TNN: variants seen among roughly 807,000 people sequenced by gnomAD.
TNN encodes the protein tenascin N.
In TNN, 122 loss-of-function variants were observed where a neutral mutation model predicts 134.4. That is an observed-to-expected ratio of 0.91 (90% CI 0.78 to 1.06). The LOEUF (loss-of-function observed/expected upper bound fraction) is 1.06. Among genes scored for constraint, TNN ranks in the 50% least tolerant of loss-of-function variants. The pLI, the probability that TNN is intolerant of heterozygous loss-of-function variation, is 0.00. For synonymous variants in TNN, 710 were observed against 670.3 expected, an observed-to-expected ratio of 1.06 and a Z score of -0.91; for missense variants, 1,739 against 1,699.4, an observed-to-expected ratio of 1.02 and a Z score of -0.41.
chr1:175,114,920 C>T (rs1474165138), intron 9 of TNN, among the ~76,000 whole-genome samples: 4 of 151,982 alleles, frequency 2.6e-5, no homozygotes, highest in African/African-American at 9.7e-5. Context: ...TCTGTAAGGC[C>T]AGATGCAGCA....
intron 18 of TNN, 46 bp downstream of exon 18, chr1:175,144,596 T>G: frequency 6.3e-7 from 1 of 1,590,018 alleles, no homozygotes; most frequent in Non-Finnish European, 8.6e-7. Context: ...TATGTCCATA[T>G]TCAGCTTCCA....
chr1:175,135,863 A>T lies in TNN; in HGVS notation c.3349A>T (p.Thr1117Ser). ...TTCTCAGGTCTTCCAGAGGCGGAAC[A>T]CTGGGCAGCTGGATTTCTTCAAGCG... ...GGWIVFQRRN[T>S]GQLDFFKRWR... Residue 1117 changes from threonine (T) to serine (S), a missense_variant, in exon 16 of 19, where the codon ACT becomes TCT. Thr to Ser is a moderately conservative substitution (Grantham distance 58, BLOSUM62 1). Coordinates refer to ENST00000239462, the MANE Select transcript of TNN (RefSeq NM_022093.2). 6.2e-7 allele frequency: 1 copy of T among 1,613,862 alleles called. No individual in the cohort carries two copies.
chr1:175,107,051 C>T (rs1404933978), intron 9 of TNN, among the ~76,000 whole-genome samples: 2 of 146,234 alleles, frequency 1.4e-5, no homozygotes, highest in Admixed American at 6.9e-5. Flanking sequence ...TCTCACCGCT[C>T]GGCTATTGTC....
chr1:175,091,915 G>A (rs1299861921), intron 6 of TNN, among the ~76,000 whole-genome samples: 2 of 152,136 alleles, frequency 1.3e-5, no homozygotes, highest in Middle Eastern at 3.2e-3. Context: ...ATACACACAG[G>A]CAGCACCAAC....
At chr1:175,126,581 G>A (rs1183822924) in intron 12 of TNN, among the ~76,000 whole-genome samples, 2 of 152,120 alleles carry the variant, frequency 1.3e-5, no homozygotes, top group East Asian at 3.9e-4. Flanking sequence ...TTTGTGCATG[G>A]CCCTTTCAGA....
chr1:175,079,821 T>G lies in TNN; in HGVS notation c.784+114T>G, dbSNP rs529281890. Reference sequence around the variant, plus strand: ...TCTCTTCCTTTAGCCTACGCCAGATTGCTGAGTCCCAACCCCAGAGTTTCT... The same window carrying G: ...TCTCTTCCTTTAGCCTACGCCAGATGGCTGAGTCCCAACCCCAGAGTTTCT... On this transcript the variant is annotated intron_variant, in intron 3 of 18. Coordinates refer to ENST00000239462, the MANE Select transcript of TNN (RefSeq NM_022093.2). 2.2e-6 allele frequency: 3 copies of G among 1,369,200 alleles called. No homozygotes were observed. The African/African-American group carries it at 4.4e-5, about 20-fold the overall frequency. The allele number at this position is 1,369,200 out of a possible 1,614,324, so 84.8% of individuals were successfully genotyped here. A position where few individuals can be genotyped will look rare whatever the true frequency, so the allele number is the denominator to read the frequency against.
chr1:175,080,264 T>C lies in TNN; in HGVS notation c.886T>C (p.Tyr296His). Residue 296 changes from tyrosine (Y) to histidine (H), a missense_variant, in exon 4 of 19, where the codon TAC (tyrosine) becomes CAC (histidine). Physicochemically the swap from Tyr to His is moderately conservative, Grantham distance 83 (BLOSUM62 2). Coordinates refer to ENST00000239462, the MANE Select transcript of TNN (RefSeq NM_022093.2). ...SQVDHYLLSY[Y>H]PLGKELSGKQ... is the part of the protein sequence containing the mutation. ...GGTGGATCACTACCTCCTCAGCTAC[T>C]ACCCCCTGGGGAAGGAGCTCTCTGG... The C allele has an allele frequency of 6.2e-7, 1 of 1,614,096 alleles. No individual in the cohort carries two copies. Among genetic ancestry groups the C allele is most frequent in the African/African-American group, 1.3e-5 (1 of 75,008 alleles).
chr1:175,145,284 G>A (rs1477682123), intron 18 of TNN, among the ~76,000 whole-genome samples: 1 of 151,952 alleles, frequency 6.6e-6, no homozygotes, highest in Non-Finnish European at 1.5e-5. Context: ...TGAGCATGGT[G>A]GTTCATGCCT....
At chr1:175,118,876 T>C in intron 11 of TNN, 52 bp downstream of exon 11, 6 of 1,603,632 alleles carry the variant, frequency 3.7e-6, no homozygotes, top group Non-Finnish European at 4.3e-6. Flanking sequence ...CAGGTTGATC[T>C]ATTGCAGCTG....
At chr1:175,091,595 A>G (rs1294090715) in intron 6 of TNN, among the ~76,000 whole-genome samples, 1 of 145,964 alleles carries the variant, frequency 6.9e-6, no homozygotes, top group Non-Finnish European at 1.5e-5. Context: ...TTATTTATTT[A>G]TTTATTTATT....
chr1:175,127,127 TG>T lies in TNN; in HGVS notation c.3045+43del. 5 of 1,597,526 alleles carry T rather than the reference TG, an allele frequency of 3.1e-6. No individual in the cohort carries two copies. The South Asian group carries it at 5.7e-5, about 18-fold the overall frequency. On this transcript the variant is annotated intron_variant, in intron 13 of 18. Transcript: ENST00000239462. ...TCTTTTCTCCTGGTGCCTTCTCTTC[TG>T]TGTGAAGCAACTAACTTGGGCCAAT...
chr1:175,082,685 C>T (rs1674224275), intron 4 of TNN, among the ~76,000 whole-genome samples: 1 of 152,208 alleles, frequency 6.6e-6, no homozygotes. Flanking sequence ...TGAGTTCACA[C>T]CTGGCCTGAC....
At chr1:175,068,580 A>G (rs1055024919) in intron 1 of TNN, among the ~76,000 whole-genome samples, 2 of 152,162 alleles carry the variant, frequency 1.3e-5, no homozygotes, top group African/African-American at 2.4e-5. Context: ...CCCTCACAAT[A>G]CCTCAAAGAA....
At position 175,077,514 on chromosome 1, in the gene TNN, C is replaced by T. The variant is rs756007888; in HGVS notation, c.96C>T (p.Gly32=). 1.9e-6 allele frequency: 3 copies of T among 1,614,068 alleles called. No homozygotes were observed. The highest frequency in any genetic ancestry group is 1.7e-5 in the Admixed American group (1 of 60,024). The change falls in exon 2 of 19, where the codon GGC becomes GGT. Residue 32 remains glycine, a synonymous_variant. Transcript: ENST00000239462. ...ASAPATLEPP[G]CSNKEQQVTV... ...CCCCAGCCACTCTGGAGCCTCCCGGCTGCAGCAACAAGGAGCAACAGGTCA... is the reference window on the plus strand; with the variant it reads ...CCCCAGCCACTCTGGAGCCTCCCGGTTGCAGCAACAAGGAGCAACAGGTCA...
intron 1 of TNN, among the ~76,000 whole-genome samples, chr1:175,076,559 G>T (rs541459312): frequency 2.0e-5 from 3 of 152,354 alleles, no homozygotes; most frequent in South Asian, 2.1e-4. Flanking sequence ...AAGGCAGGGG[G>T]ACAGGAGAGA....
chr1:175,105,134 T>C (rs1674816917), intron 9 of TNN, among the ~76,000 whole-genome samples: 1 of 146,032 alleles, frequency 6.8e-6, no homozygotes, highest in Non-Finnish European at 1.5e-5. Flanking sequence ...ATTCTTTTCA[T>C]TAAAGGCCAG....
In TNN at chr1:175,122,909, A is replaced by C. The variant is rs6659303; in HGVS notation, c.2651-491A>C. Among the ~76,000 whole-genome samples, 587 of 152,312 alleles carry C rather than the reference A, an allele frequency of 3.9e-3. 2 individuals are homozygous for C. The highest frequency in any genetic ancestry group is 0.014 in the African/African-American group (567 of 41,566). On this transcript the variant is annotated intron_variant, in intron 11 of 18. Transcript: ENST00000239462. ...AGTCCTTGAGAGGGTGGGAAGGCCT[A>C]AAATTCAGAGCGAAGAGTCTTGGCT...
At position 175,098,379 on chromosome 1, in the gene TNN, A is replaced by G; in HGVS notation, c.1903A>G (p.Met635Val). The G allele has an allele frequency of 6.2e-7, 1 of 1,614,196 alleles. No individual in the cohort carries two copies. Among genetic ancestry groups the G allele is most frequent in the Non-Finnish European group, 8.5e-7 (1 of 1,180,030 alleles). ...NLVTDRVTENMATVSWDPVQA... is the reference protein window; with the variant it reads ...NLVTDRVTENVATVSWDPVQA... Reference sequence around the variant, plus strand: ...GGTGACTGACCGGGTGACAGAGAATATGGCCACGGTCTCCTGGGACCCGGT... The same window carrying G: ...GGTGACTGACCGGGTGACAGAGAATGTGGCCACGGTCTCCTGGGACCCGGT... Residue 635 changes from methionine to valine, a missense_variant, in exon 9 of 19, where the codon ATG becomes GTG. Met to Val is a conservative substitution (Grantham distance 21). Transcript: ENST00000239462.
At chr1:175,110,606 C>G (rs1674994054) in intron 9 of TNN, among the ~76,000 whole-genome samples, 1 of 152,194 alleles carries the variant, frequency 6.6e-6, no homozygotes, top group Admixed American at 6.5e-5. Flanking sequence ...TTTCCTAGAA[C>G]TATTTATTGA....
Sources: allele counts gnomAD v4.1 joint callset (sites outside exome capture counted in the v4.1 genomes callset), GRCh38; gene constraint gnomAD v4.1.1; transcripts MANE v1.5; gene names NCBI Gene and HGNC (gene_info 2026-07-23, HGNC 2026-07-21).